CLHC1: variants seen among roughly 807,000 people sequenced by gnomAD.
CLHC1 encodes the protein clathrin heavy chain linker domain-containing protein 1.
In CLHC1, 72 loss-of-function variants were observed where a neutral mutation model predicts 69.5. The ratio of observed to expected loss-of-function variants is 1.04; its 90% CI spans 0.86 to 1.26. The LOEUF is 1.26. CLHC1 is among the 50% of genes most tolerant of loss of function. The pLI, the probability that CLHC1 is intolerant of heterozygous loss-of-function variation, is 0.00. For synonymous variants in CLHC1, 223 were observed against 224.3 expected, an observed-to-expected ratio of 0.99 and a Z score of 0.05; for missense variants, 790 against 679.3, an observed-to-expected ratio of 1.16 and a Z score of -1.81.
intron 8 of CLHC1, 83 bp downstream of exon 8, chr2:55,208,543 T>A: frequency 1.2e-6 from 1 of 843,708 alleles, no homozygotes; most frequent in Non-Finnish European, 2.0e-6. Flanking sequence ...AAAAATCTCC[T>A]AGATTCCCAA....
At chr2:55,230,631 G>A (rs543279388) in intron 1 of CLHC1, among the ~76,000 whole-genome samples, 4 of 152,298 alleles carry the variant, frequency 2.6e-5, no homozygotes, top group South Asian at 4.1e-4. Flanking sequence ...TGCAGATCAA[G>A]AGGAAGCAGC....
intron 9 of CLHC1, among the ~76,000 whole-genome samples, chr2:55,197,092 C>T (rs112938848): frequency 9.3e-4 from 141 of 152,152 alleles, no homozygotes; most frequent in Non-Finnish European, 1.3e-3. Flanking sequence ...CAGTGCTATC[C>T]GTAGGGAGAG....
At chr2:55,216,388 C>T (rs995163959) in intron 4 of CLHC1, among the ~76,000 whole-genome samples, 4 of 152,026 alleles carry the variant, frequency 2.6e-5, no homozygotes, top group Admixed American at 2.0e-4. Context: ...GATTGAGCAT[C>T]TTATCCTCTC....
intron 9 of CLHC1, among the ~76,000 whole-genome samples, chr2:55,190,992 A>G (rs947870882): frequency 1.3e-5 from 2 of 152,224 alleles, no homozygotes; most frequent in African/African-American, 4.8e-5. Flanking sequence ...GAAAAGACAC[A>G]TATGTACGGA....
intron 9 of CLHC1, among the ~76,000 whole-genome samples, chr2:55,183,569 C>A (rs1248713819): frequency 2.0e-5 from 3 of 152,254 alleles, no homozygotes; most frequent in East Asian, 3.9e-4. Context: ...TGGATTTTCA[C>A]AAGATAATAT....
chr2:55,182,577 C>T (rs1670032143), intron 9 of CLHC1, among the ~76,000 whole-genome samples: 1 of 152,066 alleles, frequency 6.6e-6, no homozygotes, highest in Non-Finnish European at 1.5e-5. Flanking sequence ...TAATTCTCCT[C>T]CTCAAAGTCA....
chr2:55,191,296 C>A (rs1242828157), intron 9 of CLHC1, among the ~76,000 whole-genome samples: 5 of 152,154 alleles, frequency 3.3e-5, no homozygotes, highest in Middle Eastern at 3.2e-3. Context: ...GGCTGGAGAG[C>A]AGTGATCTTG....
chr2:55,194,530 T>C (rs554124939), intron 9 of CLHC1, among the ~76,000 whole-genome samples: 150 of 151,990 alleles, frequency 9.9e-4, no homozygotes, highest in Non-Finnish European at 1.9e-3. Flanking sequence ...CAAAACTGTA[T>C]TGGAGAATTT....
At chr2:55,181,445 T>A (rs1669923892) in intron 10 of CLHC1, 125 bp downstream of exon 10, 1 of 750,354 alleles carries the variant, frequency 1.3e-6, no homozygotes, top group Non-Finnish European at 2.1e-6. Flanking sequence ...CACTTTCTGA[T>A]TAATTGCAAT....
At chr2:55,198,647 T>C (rs1184454670) in intron 9 of CLHC1, among the ~76,000 whole-genome samples, 3 of 151,924 alleles carry the variant, frequency 2.0e-5, no homozygotes, top group Non-Finnish European at 4.4e-5. Context: ...GAGAAAGCTA[T>C]CAATATTCAA....
Position 55,222,437 on chromosome 2 carries a change from C to A in CLHC1, c.-26G>T. 5 of 1,591,766 alleles carry A rather than the reference C, an allele frequency of 3.1e-6. No homozygotes were observed. The highest frequency in any genetic ancestry group is 1.1e-5 in the South Asian group (1 of 88,264). On this transcript the variant is annotated 5_prime_UTR_variant, in exon 3 of 13. Coordinates refer to ENST00000401408, the MANE Select transcript of CLHC1 (RefSeq NM_152385.4). ...ATTTGACAATCTGCACACTTGTTCA[C>A]TGAAGAACAGCTAAATCTTGACCTG... is the stretch of plus-strand genomic sequence containing the variant.
intron 2 of CLHC1, chr2:55,224,329 C>A: frequency 2.2e-6 from 1 of 463,594 alleles, no homozygotes; most frequent in Non-Finnish European, 4.4e-6. Flanking sequence ...TGAGTGTGAA[C>A]TCCACGCCTT....
chr2:55,175,376 T>A lies in CLHC1; in HGVS notation c.*414A>T, dbSNP rs1160263784. The A allele has an allele frequency of 6.4e-6, 1 of 156,582 alleles. No individual in the cohort carries two copies. The highest frequency in any genetic ancestry group is 1.4e-5 in the Non-Finnish European group (1 of 70,998). The allele number at this position is 156,582 out of a possible 1,614,324, so 9.7% of individuals were successfully genotyped here. On this transcript the variant is annotated 3_prime_UTR_variant, in exon 13 of 13. Transcript: ENST00000401408. ...CAAGTCCAACCTTGAAATGATTTCCTGCTTTTCTGGTCAAGTCAGGCTTGT... is the reference window on the plus strand; with the variant it reads ...CAAGTCCAACCTTGAAATGATTTCCAGCTTTTCTGGTCAAGTCAGGCTTGT...
At chr2:55,220,717 A>G (rs981311209) in intron 3 of CLHC1, among the ~76,000 whole-genome samples, 5 of 152,238 alleles carry the variant, frequency 3.3e-5, no homozygotes, top group African/African-American at 1.2e-4. Context: ...ACACTTGGGC[A>G]TGCAAAGATA....
chr2:55,173,593 T>C lies in CLHC1; in HGVS notation c.*2197A>G, dbSNP rs995693804. On this transcript the variant is annotated 3_prime_UTR_variant, in exon 13 of 13. Transcript: ENST00000401408. ...AGACAGTGGTGGGGCTGGTCTAGAA[T>C]GCAGGTTTCTGTGCTGAGGCCCAGA... Among the ~76,000 whole-genome samples the C allele has an allele frequency of 3.9e-5, 6 of 152,230 alleles. No homozygotes were observed. The highest frequency in any genetic ancestry group is 5.9e-5 in the Non-Finnish European group (4 of 68,048).
chr2:55,190,772 G>A (rs147150785), intron 9 of CLHC1, among the ~76,000 whole-genome samples: 5 of 152,252 alleles, frequency 3.3e-5, no homozygotes, highest in Non-Finnish European at 5.9e-5. Flanking sequence ...TCCCTGAATC[G>A]GTGAGTGGGG....
chr2:55,193,342 A>G (rs1671107402), intron 9 of CLHC1, among the ~76,000 whole-genome samples: 1 of 152,162 alleles, frequency 6.6e-6, no homozygotes, highest in Non-Finnish European at 1.5e-5. Flanking sequence ...TTTTAAATTA[A>G]AAAGAGTGAA....
intron 9 of CLHC1, among the ~76,000 whole-genome samples, chr2:55,195,733 C>T (rs1327427760): frequency 6.6e-6 from 1 of 152,088 alleles, no homozygotes; most frequent in Non-Finnish European, 1.5e-5. Context: ...ACCCAGGAGG[C>T]GGAGGATGCA....
intron 2 of CLHC1, among the ~76,000 whole-genome samples, chr2:55,226,258 G>T (rs145130518): frequency 1.3e-5 from 2 of 151,084 alleles, no homozygotes; most frequent in East Asian, 3.9e-4. Flanking sequence ...GTTGGATACA[G>T]AAGTTGGTGC....
Sources: gnomAD v4.1 joint callset for allele counts (sites outside exome capture counted in the v4.1 genomes callset) on GRCh38, gnomAD v4.1.1 for gene constraint, MANE v1.5 for transcripts, NCBI Gene and HGNC (gene_info 2026-07-23, HGNC 2026-07-21) for gene names.